Variants in OPCML observed in about 807,000 individuals in gnomAD.
OPCML encodes opioid binding protein/cell adhesion molecule like.
Under a neutral mutation model 37.8 loss-of-function variants are expected in OPCML, and 13 were observed. The ratio of observed to expected loss-of-function variants is 0.34; its 90% CI spans 0.22 to 0.55. The LOEUF is 0.55. Ranked by LOEUF, OPCML falls within the 20% of genes least tolerant of loss-of-function variation. The probability of loss-of-function intolerance (pLI) is 0.91; values close to 1 mark genes in which losing one functional copy is unlikely to be tolerated. For missense variants in OPCML, 341 were observed against 435.6 expected (o/e 0.78, Z 1.93); for synonymous variants, 176 against 168.8 (o/e 1.04, Z -0.33).
At chr11:132,446,882 C>A (rs955257316) in intron 4 of OPCML, among the ~76,000 whole-genome samples, 1 of 152,156 alleles carries the variant, frequency 6.6e-6, no homozygotes, top group Admixed American at 6.5e-5. Context: ...GCAACCTACT[C>A]AAGCACAGCC....
chr11:132,618,085 T>C (rs1401105717), intron 3 of OPCML, among the ~76,000 whole-genome samples: 1 of 152,198 alleles, frequency 6.6e-6, no homozygotes, highest in Non-Finnish European at 1.5e-5. Flanking sequence ...AGCTAGGTTA[T>C]ATGCAGTTAT....
At chr11:133,333,588 T>C (rs1943674421) in intron 1 of OPCML, among the ~76,000 whole-genome samples, 1 of 152,140 alleles carries the variant, frequency 6.6e-6, no homozygotes, top group Non-Finnish European at 1.5e-5. Flanking sequence ...TGAGCAAAGA[T>C]TTCATGATAA....
chr11:132,514,177 C>G (rs1245973376), intron 4 of OPCML, among the ~76,000 whole-genome samples: 2 of 152,062 alleles, frequency 1.3e-5, no homozygotes, highest in Non-Finnish European at 1.5e-5. Flanking sequence ...GTCAAAGTGG[C>G]ATGTCAATAA....
chr11:132,567,585 G>C (rs1430907626), intron 3 of OPCML, among the ~76,000 whole-genome samples: 1 of 152,168 alleles, frequency 6.6e-6, no homozygotes, highest in African/African-American at 2.4e-5. Flanking sequence ...CTATTATATT[G>C]CTCGGGCAGG....
At chr11:133,421,269 G>C in intron 1 of OPCML, 1 of 985,400 alleles carries the variant, frequency 1.0e-6, no homozygotes, top group Non-Finnish European at 1.2e-6. Context: ...TGCCAAACGT[G>C]AGTGGAAAGG....
intron 2 of OPCML, among the ~76,000 whole-genome samples, chr11:132,736,499 A>T (rs1945265110): frequency 6.6e-6 from 1 of 152,182 alleles, no homozygotes; most frequent in African/African-American, 2.4e-5. Context: ...CCTGGCAGTT[A>T]TGCCCCACTA....
chr11:132,781,960 T>A (rs868107031), intron 2 of OPCML, among the ~76,000 whole-genome samples: 2,356 of 134,414 alleles, frequency 0.018, 20 homozygotes, highest in African/African-American at 0.031. Context: ...ATATATTTTT[T>A]TTTTTTTTTT....
At chr11:132,729,257 A>T (rs973045361) in intron 2 of OPCML, among the ~76,000 whole-genome samples, 1 of 152,220 alleles carries the variant, frequency 6.6e-6, no homozygotes, top group African/African-American at 2.4e-5. Context: ...AGCAAGATAC[A>T]TTGTACATAC....
chr11:132,960,897 T>C (rs888027347), intron 1 of OPCML, among the ~76,000 whole-genome samples: 8 of 152,016 alleles, frequency 5.3e-5, no homozygotes, highest in African/African-American at 1.9e-4. Context: ...TGGACAACCT[T>C]GTAACTGGGG....
At chr11:133,375,743 C>A (rs914980414) in intron 1 of OPCML, among the ~76,000 whole-genome samples, 1 of 152,112 alleles carries the variant, frequency 6.6e-6, no homozygotes, top group Non-Finnish European at 1.5e-5. Context: ...TCTCTATTAA[C>A]TAGTTCTCTG....
intron 2 of OPCML, among the ~76,000 whole-genome samples, chr11:132,871,322 A>T (rs1942787566): frequency 1.3e-5 from 2 of 152,322 alleles, no homozygotes; most frequent in South Asian, 4.1e-4. Flanking sequence ...TTGTATGCTT[A>T]TATCAAAATA....
chr11:132,953,708 A>G (rs1410109203), intron 1 of OPCML, among the ~76,000 whole-genome samples: 1 of 152,108 alleles, frequency 6.6e-6, no homozygotes, highest in Non-Finnish European at 1.5e-5. Context: ...GAGAACCCAG[A>G]GTGTGGAGGA....
At chr11:133,483,512 G>A (rs553940211) in intron 1 of OPCML, among the ~76,000 whole-genome samples, 1 of 151,820 alleles carries the variant, frequency 6.6e-6, no homozygotes, top group Non-Finnish European at 1.5e-5. Flanking sequence ...ATGATAAACA[G>A]ATTAGATACA....
chr11:133,397,607 G>C (rs1181543028), intron 1 of OPCML, among the ~76,000 whole-genome samples: 4 of 152,234 alleles, frequency 2.6e-5, no homozygotes, highest in Non-Finnish European at 5.9e-5. Context: ...ATCTGAGTTA[G>C]TGCCAGCTAA....
chr11:132,611,315 A>C (rs917965796), intron 3 of OPCML, among the ~76,000 whole-genome samples: 1 of 151,758 alleles, frequency 6.6e-6, no homozygotes, highest in Non-Finnish European at 1.5e-5. Flanking sequence ...CCTGGAATGC[A>C]CCCCCCAGCA....
chr11:133,187,969 C>G (rs535956), intron 1 of OPCML, among the ~76,000 whole-genome samples: 1 of 151,472 alleles, frequency 6.6e-6, no homozygotes, highest in Non-Finnish European at 1.5e-5. Context: ...ACTCCTGGTG[C>G]GTGATGCTGT....
intron 2 of OPCML, among the ~76,000 whole-genome samples, chr11:132,849,753 A>C (rs1439567421): frequency 6.6e-6 from 1 of 152,180 alleles, no homozygotes. Flanking sequence ...GACATGGTTC[A>C]CAGCTGGCAA....
At chr11:132,457,353 G>A (rs572275356) in intron 4 of OPCML, among the ~76,000 whole-genome samples, 121 of 152,272 alleles carry the variant, frequency 7.9e-4, no homozygotes, top group Non-Finnish European at 1.5e-3. Flanking sequence ...CTCTTAAGAC[G>A]CTTACAATAG....
At chr11:133,134,544 G>C (rs1305933458) in intron 1 of OPCML, among the ~76,000 whole-genome samples, 1 of 151,596 alleles carries the variant, frequency 6.6e-6, no homozygotes, top group Non-Finnish European at 1.5e-5. Flanking sequence ...GAGAGAAAGG[G>C]GAACTGGGCA....
Sources: allele counts gnomAD v4.1 joint callset (sites outside exome capture counted in the v4.1 genomes callset), GRCh38; gene constraint gnomAD v4.1.1; transcripts MANE v1.5; gene names NCBI Gene and HGNC (gene_info 2026-07-23, HGNC 2026-07-21).